GMDS: variants seen among roughly 807,000 people sequenced by gnomAD.
The protein encoded by GMDS is GDP-mannose 4,6 dehydratase.
A neutral mutation model predicts 49.9 loss-of-function variants in GMDS; 20 were observed. The observed-to-expected ratio is 0.40, with a 90% CI of 0.28 to 0.58. GMDS has a LOEUF of 0.58. Among genes scored for constraint, GMDS ranks in the 20% least tolerant of loss-of-function variants. The pLI, the probability that GMDS is intolerant of heterozygous loss-of-function variation, is 0.42. For missense variants in GMDS, 362 were observed against 481.4 expected (o/e 0.75, Z 2.32); for synonymous variants, 177 against 178.6 (o/e 0.99, Z 0.07).
At chr6:1,850,636 G>T (rs1757621764) in intron 7 of GMDS, among the ~76,000 whole-genome samples, 1 of 152,116 alleles carries the variant, frequency 6.6e-6, no homozygotes, top group African/African-American at 2.4e-5. Flanking sequence ...ATTTAAAAAG[G>T]GAACAGGGTC....
chr6:1,998,310 T>G (rs1242263450), intron 4 of GMDS, among the ~76,000 whole-genome samples: 1 of 152,046 alleles, frequency 6.6e-6, no homozygotes, highest in Non-Finnish European at 1.5e-5. Context: ...ACAGATCATC[T>G]ACGCACAAAC....
intron 7 of GMDS, among the ~76,000 whole-genome samples, chr6:1,905,513 T>C (rs1476270335): frequency 2.1e-5 from 3 of 144,260 alleles, no homozygotes; most frequent in African/African-American, 5.3e-5. Context: ...GGCCAGCACA[T>C]AGCTGTGGGT....
intron 7 of GMDS, among the ~76,000 whole-genome samples, chr6:1,775,069 G>A (rs1244265526): frequency 6.6e-6 from 1 of 152,128 alleles, no homozygotes; most frequent in African/African-American, 2.4e-5. Context: ...ATGATTGACA[G>A]GAAAAGTAAT....
At chr6:1,784,035 G>C (rs1769214617) in intron 7 of GMDS, among the ~76,000 whole-genome samples, 1 of 152,082 alleles carries the variant, frequency 6.6e-6, no homozygotes, top group Non-Finnish European at 1.5e-5. Context: ...CCTTAGTTAA[G>C]GCCCTAACAG....
intron 1 of GMDS, among the ~76,000 whole-genome samples, chr6:2,213,575 C>A (rs538000890): frequency 6.6e-6 from 1 of 152,040 alleles, no homozygotes; most frequent in South Asian, 2.1e-4. Flanking sequence ...GGGGCACATA[C>A]GGAGTAAAAA....
intron 6 of GMDS, chr6:1,930,523 A>T (rs1762240194): frequency 3.9e-6 from 1 of 253,826 alleles, no homozygotes; most frequent in Admixed American, 5.5e-5. Flanking sequence ...CCCAGGCATT[A>T]GGCCAAAGAA....
intron 1 of GMDS, among the ~76,000 whole-genome samples, chr6:2,153,954 G>A (rs1262273760): frequency 6.6e-6 from 1 of 152,068 alleles, no homozygotes; most frequent in Non-Finnish European, 1.5e-5. Context: ...TACTCTGAAG[G>A]GAAGATATAG....
intron 7 of GMDS, among the ~76,000 whole-genome samples, chr6:1,877,158 C>G (rs537422381): frequency 1.7e-3 from 262 of 151,942 alleles, no homozygotes; most frequent in Non-Finnish European, 3.3e-3. Context: ...CATCTAACAG[C>G]CAGAGGCACA....
At chr6:1,983,719 A>C (rs1359381460) in intron 4 of GMDS, among the ~76,000 whole-genome samples, 1 of 152,206 alleles carries the variant, frequency 6.6e-6, no homozygotes, top group Non-Finnish European at 1.5e-5. Context: ...GTCAAAAAAC[A>C]ACAGATGCTG....
intron 4 of GMDS, among the ~76,000 whole-genome samples, chr6:2,022,460 A>C (rs1053713666): frequency 2.6e-5 from 4 of 152,196 alleles, no homozygotes; most frequent in Non-Finnish European, 5.9e-5. Context: ...GATGCTACAA[A>C]ATATTTAAAA....
At chr6:2,149,858 A>G (rs572185541) in intron 1 of GMDS, among the ~76,000 whole-genome samples, 1 of 152,124 alleles carries the variant, frequency 6.6e-6, no homozygotes, top group Non-Finnish European at 1.5e-5. Flanking sequence ...GATTGTGTGC[A>G]TTAACTAAGT....
intron 7 of GMDS, among the ~76,000 whole-genome samples, chr6:1,765,801 G>C (rs1054943193): frequency 1.3e-5 from 2 of 152,170 alleles, no homozygotes; most frequent in Non-Finnish European, 2.9e-5. Context: ...CCCCGATGGA[G>C]GGTTAGGGCT....
chr6:1,672,353 C>T (rs1454442009), intron 9 of GMDS, among the ~76,000 whole-genome samples: 2 of 152,188 alleles, frequency 1.3e-5, no homozygotes, highest in African/African-American at 4.8e-5. Context: ...AGAAGGCTGT[C>T]CACAAGCCGC....
chr6:1,806,406 A>G (rs1459085076), intron 7 of GMDS, among the ~76,000 whole-genome samples: 1 of 151,708 alleles, frequency 6.6e-6, no homozygotes, highest in Non-Finnish European at 1.5e-5. Flanking sequence ...TGGGTGCTCT[A>G]TCAACTGTCA....
At chr6:1,964,997 G>T (rs191757627) in intron 4 of GMDS, among the ~76,000 whole-genome samples, 187 of 151,880 alleles carry the variant, frequency 1.2e-3, no homozygotes, top group African/African-American at 4.1e-3. Flanking sequence ...CAAAGGACAT[G>T]AACTCATCAT....
At chr6:2,163,244 T>C (rs1231777328) in intron 1 of GMDS, among the ~76,000 whole-genome samples, 4 of 152,190 alleles carry the variant, frequency 2.6e-5, no homozygotes, top group African/African-American at 9.7e-5. Flanking sequence ...AATCCTGTCA[T>C]CTGCCTTGAT....
intron 4 of GMDS, among the ~76,000 whole-genome samples, chr6:2,018,948 C>T (rs1005271255): frequency 3.9e-5 from 6 of 152,060 alleles, no homozygotes; most frequent in African/African-American, 1.4e-4. Context: ...TTTACATTCA[C>T]ACCAGCAGTG....
chr6:2,074,728 TC>T (rs1417036851), intron 4 of GMDS, among the ~76,000 whole-genome samples: 4 of 152,186 alleles, frequency 2.6e-5, no homozygotes, highest in Non-Finnish European at 5.9e-5. Flanking sequence ...GGTCTTGAAC[TC>T]CTGGCCTCAA....
Position 2,061,481 on chromosome 6 carries a change from T to A in GMDS, c.345+54290A>T, listed in dbSNP as rs553621870. On this transcript the variant is annotated intron_variant, in intron 4 of 10. Coordinates refer to ENST00000380815, the MANE Select transcript of GMDS (RefSeq NM_001500.4). ...CCCGTAATCCCAACACTTTGGGAGG[T>A]TGAGGCGGTCGGATCACTTGAGGCC... Among the ~76,000 whole-genome samples, 36 of 151,762 alleles carry A rather than the reference T, an allele frequency of 2.4e-4. No individual in the cohort carries two copies. In the South Asian group the frequency reaches 6.3e-3, roughly 26 times the overall value.
Sources: gnomAD v4.1 joint callset for allele counts (sites outside exome capture counted in the v4.1 genomes callset) on GRCh38, gnomAD v4.1.1 for gene constraint, MANE v1.5 for transcripts, NCBI Gene and HGNC (gene_info 2026-07-23, HGNC 2026-07-21) for gene names.